The following MYO18B variants were observed in gnomAD, a reference collection of about 807,000 sequenced individuals.
The protein encoded by MYO18B is myosin XVIIIB.
MYO18B carries 204 observed loss-of-function variants against 273.0 expected under a neutral mutation model. The ratio of observed to expected loss-of-function variants is 0.75; its 90% CI spans 0.67 to 0.84. MYO18B has a LOEUF of 0.84. Among genes scored for constraint, MYO18B ranks in the 40% least tolerant of loss-of-function variants. The pLI, the probability that MYO18B is intolerant of heterozygous loss-of-function variation, is 0.00. For synonymous variants in MYO18B, 1,330 were observed against 1,305.7 expected, an observed-to-expected ratio of 1.02 and a Z score of -0.40; for missense variants, 3,212 against 3,287.6, an observed-to-expected ratio of 0.98 and a Z score of 0.56.
At chr22:25,751,832 T>TGTGCTGG (rs1017570484) in intron 1 of MYO18B, among the ~76,000 whole-genome samples, 37 of 152,324 alleles carry the variant, frequency 2.4e-4, no homozygotes, top group African/African-American at 8.9e-4. Flanking sequence ...TGAATTGTCT[T>TGTGCTGG]GTGCTGGGTG....
the MYO18B span, among the ~76,000 whole-genome samples, chr22:26,052,808 GT>G: frequency 1.0e-3 from 143 of 143,340 alleles, 1 homozygote; most frequent in African/African-American, 2.7e-3. Context: ...TTTTTTTTTG[GT>G]TTTTTTTTTT....
At chr22:25,998,239 C>A (rs1364302936) in intron 40 of MYO18B, among the ~76,000 whole-genome samples, 2 of 152,142 alleles carry the variant, frequency 1.3e-5, no homozygotes, top group Non-Finnish European at 2.9e-5. Flanking sequence ...TGGAGAAATG[C>A]TTTAAGCCAG....
chr22:25,803,377 A>G (rs1468886223), intron 12 of MYO18B, among the ~76,000 whole-genome samples: 3 of 152,114 alleles, frequency 2.0e-5, no homozygotes, highest in African/African-American at 7.2e-5. Context: ...ATATGGATAT[A>G]CCACATTTTG....
intron 36 of MYO18B, among the ~76,000 whole-genome samples, chr22:25,948,708 C>A (rs1298322904): frequency 6.6e-6 from 1 of 151,874 alleles, no homozygotes; most frequent in Non-Finnish European, 1.5e-5. Context: ...CCCATTCCCA[C>A]CTTCATGTAC....
rs2086592875 is a variant in MYO18B at position 25,768,517 on chromosome 22, G to A, written c.601G>A (p.Gly201Ser). The change falls in exon 4 of 44, where the codon GGC (glycine) becomes AGC (serine). Residue 201 changes from glycine to serine, a missense_variant. Coordinates refer to ENST00000335473, the MANE Select transcript of MYO18B (RefSeq NM_032608.7). ...AGGGGAGACCTCTAGGACTCCTTGT[G>A]GCTCCCAGGCCAGCACCGAGATCTT... ...KKGETSRTPC[G>S]SQASTEILAP... 3.8e-6 allele frequency: 6 copies of A among 1,580,388 alleles called. No individual in the cohort carries two copies. In the African/African-American group the frequency reaches 8.1e-5, roughly 21 times the overall value.
chr22:25,921,815 AGTGTGTGTGTGTGTGTGTGT>A (rs71191088), intron 34 of MYO18B, among the ~76,000 whole-genome samples: 10 of 130,464 alleles, frequency 7.7e-5, no homozygotes, highest in African/African-American at 1.8e-4. Context: ...AAATAGCAAT[AGTGTGTGTGTGTGTGTGTGT>A]GTGTGTGTGT....
At chr22:25,762,715 GT>G (rs1723685213) in intron 2 of MYO18B, among the ~76,000 whole-genome samples, 1 of 152,278 alleles carries the variant, frequency 6.6e-6, no homozygotes, top group Non-Finnish European at 1.5e-5. Context: ...ACAAGGTCAG[GT>G]CCTTATATAA....
chr22:26,055,144 G>T, the MYO18B span, among the ~76,000 whole-genome samples: 1 of 152,252 alleles, frequency 6.6e-6, no homozygotes, highest in Non-Finnish European at 1.5e-5. Context: ...AAGCTGAGAG[G>T]TAAGCATTGT....
intron 40 of MYO18B, among the ~76,000 whole-genome samples, chr22:25,996,355 G>A (rs939128558): frequency 1.3e-5 from 2 of 152,176 alleles, no homozygotes; most frequent in African/African-American, 4.8e-5. Flanking sequence ...GCTGTGTTAA[G>A]TGCTTGTTTT....
At chr22:26,053,326 G>T in the MYO18B span, among the ~76,000 whole-genome samples, 1 of 152,172 alleles carries the variant, frequency 6.6e-6, no homozygotes, top group East Asian at 1.9e-4. Context: ...AGCATTAGAT[G>T]TTTTACCTAA....
chr22:25,750,506 A>G (rs2085901819), intron 1 of MYO18B, among the ~76,000 whole-genome samples: 1 of 152,112 alleles, frequency 6.6e-6, no homozygotes, highest in Admixed American at 6.5e-5. Context: ...CACAGAAACC[A>G]GGTGTCAGGC....
At chr22:25,819,385 G>A (rs1601793206) in intron 12 of MYO18B, among the ~76,000 whole-genome samples, 1 of 152,346 alleles carries the variant, frequency 6.6e-6, no homozygotes, top group Non-Finnish European at 1.5e-5. Context: ...AGCAGGCATG[G>A]AGTAGAGCAA....
chr22:25,746,860 G>T (rs1004525547), intron 1 of MYO18B, among the ~76,000 whole-genome samples: 1 of 152,188 alleles, frequency 6.6e-6, no homozygotes, highest in Non-Finnish European at 1.5e-5. Context: ...AGTGGCTCAT[G>T]CCTGTAATCC....
chr22:25,906,998 G>A (rs940186159), intron 31 of MYO18B, among the ~76,000 whole-genome samples: 1 of 152,092 alleles, frequency 6.6e-6, no homozygotes, highest in Admixed American at 6.5e-5. Context: ...ACCCATCTAC[G>A]CTATTGAGTT....
chr22:25,772,553 AG>A lies in MYO18B; in HGVS notation c.1869+49del, dbSNP rs754851430. The A allele has an allele frequency of 1.5e-5, 23 of 1,578,484 alleles. No individual in the cohort carries two copies. The African/African-American group carries it at 1.5e-4, about 10-fold the overall frequency. ...TGGGCAGGGCTGAGGGGCTGAGGGC[AG>A]GGGGGCCTGGGGGGATCCCTCTGCA... On this transcript the variant is annotated intron_variant, in intron 7 of 43. Coordinates refer to ENST00000335473, the MANE Select transcript of MYO18B (RefSeq NM_032608.7).
chr22:25,793,771 TTTGA>T (rs1176476045), intron 11 of MYO18B, among the ~76,000 whole-genome samples: 1 of 152,218 alleles, frequency 6.6e-6, no homozygotes, highest in Non-Finnish European at 1.5e-5. Flanking sequence ...ACCTGAAGAC[TTTGA>T]TTGACCTTGA....
chr22:25,749,099 T>G (rs2085864408), intron 1 of MYO18B, among the ~76,000 whole-genome samples: 1 of 152,222 alleles, frequency 6.6e-6, no homozygotes, highest in Non-Finnish European at 1.5e-5. Flanking sequence ...CCTTCCCATG[T>G]AACCCACGAG....
chr22:26,060,722 A>G, the MYO18B span, among the ~76,000 whole-genome samples: 1 of 152,294 alleles, frequency 6.6e-6, no homozygotes, highest in East Asian at 1.9e-4. Flanking sequence ...ACACATACAT[A>G]TACACATGCA....
intron 23 of MYO18B, among the ~76,000 whole-genome samples, chr22:25,875,506 C>CG (rs61184626): frequency 0.07 from 1,434 of 20,552 alleles, 25 homozygotes; most frequent in African/African-American, 0.14. Flanking sequence ...CTGTTCTGGT[C>CG]CCCCCCCCAG....
Sources: gnomAD v4.1 joint callset for allele counts (sites outside exome capture counted in the v4.1 genomes callset) on GRCh38, gnomAD v4.1.1 for gene constraint, MANE v1.5 for transcripts, NCBI Gene and HGNC (gene_info 2026-07-23, HGNC 2026-07-21) for gene names.